The following ZNF37A variants were observed in gnomAD, a reference collection of about 807,000 sequenced individuals.
ZNF37A encodes the protein zinc finger protein 37a (KOX 21).
In ZNF37A, 10 loss-of-function variants were observed where a neutral mutation model predicts 12.3. The observed-to-expected ratio is 0.82, with a 90% CI of 0.50 to 1.38. The LOEUF (loss-of-function observed/expected upper bound fraction) is 1.38. Among genes scored for constraint, ZNF37A ranks in the 40% most tolerant of loss-of-function variants. The pLI, the probability that ZNF37A is intolerant of heterozygous loss-of-function variation, is 0.00. For synonymous variants in ZNF37A, 207 were observed against 223.0 expected, an observed-to-expected ratio of 0.93 and a Z score of 0.64; for missense variants, 580 against 651.2, an observed-to-expected ratio of 0.89 and a Z score of 1.19.
At chr10:38,130,677 C>G (rs1490601735) in intron 7 of ZNF37A, among the ~76,000 whole-genome samples, 1 of 151,972 alleles carries the variant, frequency 6.6e-6, no homozygotes, top group Admixed American at 6.6e-5. Flanking sequence ...ACCATGTTAG[C>G]TAGGCTGTTC....
At position 38,120,969 on chromosome 10, in the gene ZNF37A, C is replaced by G. The variant is rs1336180055; in HGVS notation, c.*2132C>G. On this transcript the variant is annotated 3_prime_UTR_variant, in exon 8 of 8. Transcript: ENST00000685332. Reference sequence around the variant, plus strand: ...TGGTGAACATGCCATCAGTAAAAGCCCTGGAAACAAGGTCATACTAGAGAT... The same window carrying G: ...TGGTGAACATGCCATCAGTAAAAGCGCTGGAAACAAGGTCATACTAGAGAT... 4 of 152,014 alleles carry G rather than the reference C, an allele frequency of 2.6e-5. No individual in the cohort carries two copies. The highest frequency in any genetic ancestry group is 3.9e-4 in the East Asian group (2 of 5,176). 9.4% of individuals were successfully genotyped at this position (152,014 alleles called of 1,614,324 possible). A position where few individuals can be genotyped will look rare whatever the true frequency, so the allele number is the denominator to read the frequency against.
downstream of ZNF37A, among the ~76,000 whole-genome samples, chr10:38,128,272 G>A: frequency 6.6e-6 from 1 of 152,118 alleles, no homozygotes; most frequent in Admixed American, 6.5e-5. Context: ...GACTTAACAG[G>A]CTTAACTAAT....
Position 38,118,957 on chromosome 10 carries a change from G to T in ZNF37A, c.*120G>T. On this transcript the variant is annotated 3_prime_UTR_variant, in exon 8 of 8. Coordinates refer to ENST00000685332, the MANE Select transcript of ZNF37A (RefSeq NM_001324250.3). ...CAGTATAGAAGAGAACTTAAAGAGG[G>T]AAAAAACAATATGAAGATAGGGAAT... The T allele has an allele frequency of 3.7e-6, 5 of 1,335,270 alleles. No homozygotes were observed. Among genetic ancestry groups the T allele is most frequent in the Non-Finnish European group, 4.8e-6 (5 of 1,041,214 alleles). The allele number at this position is 1,335,270 out of a possible 1,614,324, so 82.7% of individuals were successfully genotyped here.
At chr10:38,114,274 AG>A (rs1388714343) in intron 5 of ZNF37A, among the ~76,000 whole-genome samples, 1 of 152,140 alleles carries the variant, frequency 6.6e-6, no homozygotes, top group Non-Finnish European at 1.5e-5. Flanking sequence ...CCTTTTGTTA[AG>A]TTTTTCTTAT....
At chr10:38,134,393 T>A (rs1363118560) in intron 7 of ZNF37A, among the ~76,000 whole-genome samples, 1 of 152,244 alleles carries the variant, frequency 6.6e-6, no homozygotes, top group East Asian at 1.9e-4. Flanking sequence ...TTTTTACCTT[T>A]TCTGCTCTGG....
chr10:38,100,283 T>C (rs1280156572), intron 5 of ZNF37A, among the ~76,000 whole-genome samples: 2 of 152,202 alleles, frequency 1.3e-5, no homozygotes, highest in Non-Finnish European at 2.9e-5. Flanking sequence ...TTGGGCACCA[T>C]TGTCATTGAT....
chr10:38,140,074 G>C (rs2070161156), intron 7 of ZNF37A: 1 of 152,174 alleles, frequency 6.6e-6, no homozygotes, highest in African/African-American at 2.4e-5. Context: ...CTTGATAAAA[G>C]AACTTACATT....
At chr10:38,105,972 AT>A (rs34718983) in intron 5 of ZNF37A, among the ~76,000 whole-genome samples, 66,702 of 150,242 alleles carry the variant, frequency 0.44, 14,866 homozygotes, top group East Asian at 0.55. Context: ...AATGTCTTTT[AT>A]TTTTTTTTTC....
intron 7 of ZNF37A, among the ~76,000 whole-genome samples, chr10:38,135,757 C>T (rs2070099793): frequency 2.0e-5 from 3 of 152,106 alleles, no homozygotes; most frequent in Non-Finnish European, 4.4e-5. Flanking sequence ...AGAATGACAT[C>T]CAGCAGGGGA....
downstream of ZNF37A, among the ~76,000 whole-genome samples, chr10:38,130,136 T>C (rs1214084073): frequency 6.6e-6 from 1 of 152,232 alleles, no homozygotes; most frequent in African/African-American, 2.4e-5. Context: ...GAGATATGTG[T>C]CGCTCTATGT....
intron 7 of ZNF37A, among the ~76,000 whole-genome samples, chr10:38,133,460 C>T (rs1353124043): frequency 1.5e-5 from 2 of 135,034 alleles, no homozygotes; most frequent in Admixed American, 7.5e-5. Context: ...TGCTATCCAT[C>T]CCCCCTCCCC....
rs75478474 is a variant in ZNF37A, at chr10:38,094,774, C to T, written c.-491-157C>T. Among the ~76,000 whole-genome samples, 26 of 152,352 alleles carry T rather than the reference C, an allele frequency of 1.7e-4. 1 individual carries two copies. The East Asian group carries it at 4.7e-3, about 27-fold the overall frequency. ...TCTTTCCCCTCAGAATCTCGCTGTC[C>T]TCACAACCACCTGTGGTCGGCGTCG... On this transcript the variant is annotated intron_variant, in intron 1 of 7. Transcript: ENST00000685332.
chr10:38,098,651 T>A (rs2504140), intron 5 of ZNF37A, among the ~76,000 whole-genome samples: 2 of 151,882 alleles, frequency 1.3e-5, no homozygotes, highest in Non-Finnish European at 2.9e-5. Flanking sequence ...TTGCTTAAAT[T>A]TATTAGTTTT....
rs1266273349 is a variant in ZNF37A, at chr10:38,120,845, A to G, written c.*2008A>G. On this transcript the variant is annotated 3_prime_UTR_variant, in exon 8 of 8. Transcript: ENST00000685332. Reference sequence around the variant, plus strand: ...TCATGCTGCATAGGGCAGGAGCCTGAAAAGCTAATTTGAGAAGATAATAAG... The same window carrying G: ...TCATGCTGCATAGGGCAGGAGCCTGGAAAGCTAATTTGAGAAGATAATAAG... 1 of 152,250 alleles carries G rather than the reference A, an allele frequency of 6.6e-6. No homozygotes were observed. Among genetic ancestry groups the G allele is most frequent in the African/African-American group, 2.4e-5 (1 of 41,472 alleles). 9.4% of individuals were successfully genotyped at this position (152,250 alleles called of 1,614,324 possible).
downstream of ZNF37A, among the ~76,000 whole-genome samples, chr10:38,130,361 T>A (rs137955828): frequency 3.3e-3 from 504 of 152,204 alleles, 9 homozygotes; most frequent in South Asian, 0.05. Flanking sequence ...TCTGTTCAGA[T>A]CTCTATTTTC....
At chr10:38,115,094 T>A in intron 6 of ZNF37A, 101 bp from the exon 7 acceptor site, 1 of 986,304 alleles carries the variant, frequency 1.0e-6, no homozygotes, top group African/African-American at 1.6e-5. Flanking sequence ...TGTGTGTGTG[T>A]GTGTGTGTGT....
rs2067318605 is a variant in ZNF37A at position 38,098,497 on chromosome 10, T to C, written c.15+1865T>C. Among the ~76,000 whole-genome samples the C allele has an allele frequency of 2.6e-5, 4 of 152,202 alleles. No homozygotes were observed. The South Asian group carries it at 8.3e-4, about 31-fold the overall frequency. ...TTTGATAAGTATTGCATTGGGTAAG[T>C]ATTGGAGTGGGTAATAACACTTTGG... On this transcript the variant is annotated intron_variant, in intron 5 of 7. Coordinates refer to ENST00000685332, the MANE Select transcript of ZNF37A (RefSeq NM_001324250.3).
intron 5 of ZNF37A, among the ~76,000 whole-genome samples, chr10:38,098,124 ATGT>A (rs1357415566): frequency 5.3e-5 from 8 of 152,146 alleles, no homozygotes. Flanking sequence ...AGACCCATTT[ATGT>A]TGTAGTTGTA....
chr10:38,103,208 G>T (rs2067740181), intron 5 of ZNF37A, among the ~76,000 whole-genome samples: 1 of 152,004 alleles, frequency 6.6e-6, no homozygotes, highest in African/African-American at 2.4e-5. Context: ...GATCTCTTAG[G>T]CACTGTCTAT....
Sources: gnomAD v4.1 joint callset for allele counts (sites outside exome capture counted in the v4.1 genomes callset) on GRCh38, gnomAD v4.1.1 for gene constraint, MANE v1.5 for transcripts, NCBI Gene and HGNC (gene_info 2026-07-23, HGNC 2026-07-21) for gene names.